NFIA: variants seen among roughly 807,000 people sequenced by gnomAD.
NFIA encodes the protein nuclear factor 1 A-type.
In NFIA, 8 loss-of-function variants were observed where a neutral mutation model predicts 62.8. The ratio of observed to expected loss-of-function variants is 0.13; its 90% CI spans 0.07 to 0.23. The LOEUF is 0.23. Among genes scored for constraint, NFIA ranks in the 10% least tolerant of loss-of-function variants. The probability of loss-of-function intolerance (pLI) is 1.00; values close to 1 mark genes in which losing one functional copy is unlikely to be tolerated. For missense variants in NFIA, 410 were observed against 642.1 expected (o/e 0.64, Z 3.91); for synonymous variants, 235 against 238.1 (o/e 0.99, Z 0.12).
intron 3 of NFIA, among the ~76,000 whole-genome samples, chr1:61,308,718 A>G (rs113179118): frequency 2.8e-4 from 43 of 152,304 alleles, no homozygotes; most frequent in Middle Eastern, 6.8e-3. Context: ...TCAGGAAGCA[A>G]AGAAGTTAGT....
intron 10 of NFIA, among the ~76,000 whole-genome samples, chr1:61,450,707 C>T (rs774780420): frequency 2.6e-5 from 4 of 152,106 alleles, no homozygotes; most frequent in South Asian, 2.1e-4. Context: ...AACCTCCTTC[C>T]GCAGTGTTAA....
intron 2 of NFIA, chr1:61,124,866 C>T (rs569938230): frequency 6.6e-6 from 1 of 152,204 alleles, no homozygotes; most frequent in Admixed American, 6.5e-5. Context: ...GGCCTCCCTC[C>T]ATGAGAGGAG....
chr1:61,188,687 C>T lies in NFIA; in HGVS notation c.560-88833C>T, dbSNP rs571719614. On this transcript the variant is annotated intron_variant, in intron 2 of 10. Transcript: ENST00000403491. ...CATTTATGGTAGACAGAAATCTGTT[C>T]TTGTAATGTAGAAATCAGTCATTTA... is the stretch of plus-strand genomic sequence containing the variant. Among the ~76,000 whole-genome samples, 25 of 152,278 alleles carry T rather than the reference C, an allele frequency of 1.6e-4. No individual in the cohort carries two copies. In the South Asian group the frequency reaches 5.0e-3, roughly 30 times the overall value.
chr1:61,248,480 T>C (rs536008089), intron 2 of NFIA, among the ~76,000 whole-genome samples: 1 of 152,304 alleles, frequency 6.6e-6, no homozygotes, highest in South Asian at 2.1e-4. Flanking sequence ...CAACCTTTCC[T>C]TATGATGTGT....
chr1:61,218,508 C>T (rs773333924), intron 2 of NFIA, among the ~76,000 whole-genome samples: 13 of 152,046 alleles, frequency 8.6e-5, no homozygotes, highest in Admixed American at 6.5e-4. Context: ...CAATCAACCA[C>T]GAATTGAAAA....
intron 2 of NFIA, among the ~76,000 whole-genome samples, chr1:61,125,443 A>T (rs1038001478): frequency 2.0e-5 from 3 of 152,212 alleles, no homozygotes; most frequent in African/African-American, 7.2e-5. Flanking sequence ...AAATATGCTG[A>T]TAAAAGAATT....
intron 7 of NFIA, among the ~76,000 whole-genome samples, chr1:61,394,163 A>G (rs1376366242): frequency 6.6e-6 from 1 of 152,102 alleles, no homozygotes; most frequent in Admixed American, 6.6e-5. Context: ...AAATTGCGCT[A>G]TTCTTTCTTA....
chr1:61,344,772 G>T (rs1662124062), intron 4 of NFIA, among the ~76,000 whole-genome samples: 2 of 152,184 alleles, frequency 1.3e-5, no homozygotes, highest in African/African-American at 4.8e-5. Flanking sequence ...GCTCCCTGCT[G>T]ACTTCCGTTG....
intron 3 of NFIA, among the ~76,000 whole-genome samples, chr1:61,294,665 T>C (rs917695645): frequency 6.6e-6 from 1 of 152,264 alleles, no homozygotes; most frequent in Non-Finnish European, 1.5e-5. Context: ...GTTTTTCTTT[T>C]TTACTCACTG....
intron 2 of NFIA, among the ~76,000 whole-genome samples, chr1:61,105,414 A>T (rs1321599674): frequency 6.6e-6 from 1 of 151,980 alleles, no homozygotes; most frequent in Non-Finnish European, 1.5e-5. Context: ...GGTATTACTG[A>T]TCTCTAAACA....
At chr1:61,077,684 A>C, upstream of NFIA, 1 of 1,333,836 alleles carries the variant, frequency 7.5e-7, no homozygotes, top group South Asian at 1.9e-5. Flanking sequence ...GCGTTTTATA[A>C]ACAATGGTAG....
intron 7 of NFIA, among the ~76,000 whole-genome samples, chr1:61,398,663 C>A (rs1416051852): frequency 6.6e-6 from 1 of 152,150 alleles, no homozygotes; most frequent in Non-Finnish European, 1.5e-5. Flanking sequence ...TGGCTCACCT[C>A]GAGTCAAAAG....
chr1:61,377,381 C>T (rs1401419554), intron 6 of NFIA, among the ~76,000 whole-genome samples: 1 of 152,158 alleles, frequency 6.6e-6, no homozygotes, highest in Non-Finnish European at 1.5e-5. Flanking sequence ...CTGCCTCCTG[C>T]CTCTCTTGAG....
At chr1:61,090,515 T>G (rs1249859458) in intron 2 of NFIA, among the ~76,000 whole-genome samples, 1 of 152,230 alleles carries the variant, frequency 6.6e-6, no homozygotes, top group Non-Finnish European at 1.5e-5. Context: ...CTGTTCTCAT[T>G]ACGTGCCTTC....
intron 6 of NFIA, among the ~76,000 whole-genome samples, chr1:61,363,089 T>C (rs760164377): frequency 2.6e-5 from 4 of 152,084 alleles, no homozygotes; most frequent in African/African-American, 4.8e-5. Flanking sequence ...ATATGCAAAA[T>C]ATAATGATCC....
At chr1:61,193,726 T>C (rs1168258604) in intron 2 of NFIA, among the ~76,000 whole-genome samples, 1 of 152,228 alleles carries the variant, frequency 6.6e-6, no homozygotes, top group East Asian at 1.9e-4. Flanking sequence ...CACTAGGTCC[T>C]AGAAATAAAA....
intron 2 of NFIA, among the ~76,000 whole-genome samples, chr1:61,243,909 A>G (rs775659647): frequency 1.3e-5 from 2 of 152,172 alleles, no homozygotes; most frequent in African/African-American, 4.8e-5. Context: ...TGAACTGCAG[A>G]AATCTTTTCT....
intron 2 of NFIA, among the ~76,000 whole-genome samples, chr1:61,271,547 G>A (rs1055023300): frequency 6.6e-6 from 1 of 152,202 alleles, no homozygotes; most frequent in Non-Finnish European, 1.5e-5. Context: ...CTAAGGGGTG[G>A]ATCTCCAGAG....
chr1:61,314,293 C>T (rs917977484), intron 3 of NFIA, among the ~76,000 whole-genome samples: 7 of 152,116 alleles, frequency 4.6e-5, no homozygotes, highest in Admixed American at 2.6e-4. Flanking sequence ...GTTGGCCTGC[C>T]TCCCCTACTG....
Sources: allele counts gnomAD v4.1 joint callset (sites outside exome capture counted in the v4.1 genomes callset), GRCh38; gene constraint gnomAD v4.1.1; transcripts MANE v1.5; gene names NCBI Gene and HGNC (gene_info 2026-07-23, HGNC 2026-07-21).